CNGB3: variants seen among roughly 807,000 people sequenced by gnomAD.
CNGB3 encodes cyclic nucleotide gated channel subunit beta 3, also known as cyclic nucleotide-gated channel beta-3.
CNGB3 carries 86 observed loss-of-function variants against 92.8 expected under a neutral mutation model. That is an observed-to-expected ratio of 0.93 (90% CI 0.78 to 1.11). The LOEUF (loss-of-function observed/expected upper bound fraction) is 1.11. CNGB3 is among the 50% of genes least tolerant of loss of function. The pLI is 0.00. For missense variants in CNGB3, 1,026 were observed against 956.8 expected (o/e 1.07, Z -0.95); for synonymous variants, 333 against 332.7 (o/e 1.00, Z -0.01).
rs4024071 is a variant in CNGB3 at position 86,720,839 on chromosome 8, T to TACACACACAC, written c.338+5682_338+5691dup. ...ATATATATATATATATATATATGTA[T>TACACACACAC]ACACACACACACACACACACACACA... On this transcript the variant is annotated intron_variant, in intron 3 of 17. Transcript: ENST00000320005. Among the ~76,000 whole-genome samples, 121 of 129,912 alleles carry TACACACACAC rather than the reference T, an allele frequency of 9.3e-4. 1 individual carries two copies. The highest frequency in any genetic ancestry group is 1.9e-3 in the East Asian group (9 of 4,618). The allele number at this position is 129,912 out of a possible 152,430, so 85.2% of individuals were successfully genotyped here.
intron 2 of CNGB3, among the ~76,000 whole-genome samples, chr8:86,726,870 C>T (rs1808388114): frequency 6.6e-6 from 1 of 152,128 alleles, no homozygotes; most frequent in African/African-American, 2.4e-5. Context: ...CAGTCGTGTG[C>T]TATTTAATGA....
At chr8:86,707,214 A>G (rs1036545941) in intron 3 of CNGB3, among the ~76,000 whole-genome samples, 1 of 152,170 alleles carries the variant, frequency 6.6e-6, no homozygotes, top group Non-Finnish European at 1.5e-5. Context: ...TCTTTTAGGA[A>G]TTGGGAATAT....
intron 6 of CNGB3, chr8:86,661,438 T>C: frequency 2.0e-6 from 1 of 511,198 alleles, no homozygotes; most frequent in South Asian, 1.7e-5. Flanking sequence ...TTTTATGTTT[T>C]ATAACTCCAT....
chr8:86,678,935 A>G (rs1824027249), intron 3 of CNGB3, among the ~76,000 whole-genome samples: 1 of 152,184 alleles, frequency 6.6e-6, no homozygotes, highest in African/African-American at 2.4e-5. Flanking sequence ...AATATATTTA[A>G]TTTCAGTAAA....
intron 13 of CNGB3, among the ~76,000 whole-genome samples, chr8:86,619,047 C>T (rs1244193323): frequency 6.6e-6 from 1 of 152,182 alleles, no homozygotes; most frequent in Admixed American, 6.5e-5. Context: ...TGCATAATTA[C>T]CAGAGCAGCA....
At chr8:86,593,542 T>G (rs927176987) in intron 15 of CNGB3, among the ~76,000 whole-genome samples, 34 of 152,146 alleles carry the variant, frequency 2.2e-4, no homozygotes, top group African/African-American at 8.2e-4. Flanking sequence ...GAGCTAGGTG[T>G]TTTGTTTTGT....
intron 12 of CNGB3, among the ~76,000 whole-genome samples, chr8:86,626,467 C>T (rs989824698): frequency 1.3e-5 from 2 of 152,082 alleles, no homozygotes; most frequent in African/African-American, 4.8e-5. Context: ...CAAGGGATGG[C>T]AAATAATAAT....
chr8:86,628,651 T>C (rs1822897459), intron 12 of CNGB3, among the ~76,000 whole-genome samples: 1 of 152,114 alleles, frequency 6.6e-6, no homozygotes, highest in Non-Finnish European at 1.5e-5. Flanking sequence ...TTTTTGTATG[T>C]GTGACTATAT....
chr8:86,643,097 T>TACACAC (rs3077207), intron 10 of CNGB3, among the ~76,000 whole-genome samples: 82 of 149,114 alleles, frequency 5.5e-4, no homozygotes, highest in South Asian at 1.7e-3. Context: ...CAACTCAGGA[T>TACACAC]ACACACACAC....
intron 14 of CNGB3, among the ~76,000 whole-genome samples, chr8:86,608,104 A>T (rs2131562612): frequency 6.6e-6 from 1 of 152,366 alleles, no homozygotes; most frequent in African/African-American, 2.4e-5. Context: ...ATAAAATATA[A>T]AATAAGAATA....
chr8:86,671,034 G>C lies in CNGB3; in HGVS notation c.403C>G (p.Leu135Val), dbSNP rs767209573. 22 of 1,613,798 alleles carry C rather than the reference G, an allele frequency of 1.4e-5. No individual in the cohort carries two copies. The highest frequency in any genetic ancestry group is 3.4e-4 in the Middle Eastern group (2 of 5,970). ...GTTCTTTGACGCATTCTTTTCACCAGGTTGTGTAGCTGGGCATCGGCATAC... is the reference window on the plus strand; with the variant it reads ...GTTCTTTGACGCATTCTTTTCACCACGTTGTGTAGCTGGGCATCGGCATAC... Reference protein sequence around the residue: ...NEYADAQLHNLVKRMRQRTAL... With the variant: ...NEYADAQLHNVVKRMRQRTAL... The change falls in exon 4 of 18, where the codon CTG becomes GTG. Residue 135 changes from leucine (L) to valine (V), a missense_variant. Leu to Val is a conservative substitution (Grantham distance 32). Coordinates refer to ENST00000320005, the MANE Select transcript of CNGB3 (RefSeq NM_019098.5).
At chr8:86,589,805 T>A (rs1821986137) in intron 15 of CNGB3, among the ~76,000 whole-genome samples, 1 of 151,908 alleles carries the variant, frequency 6.6e-6, no homozygotes, top group African/African-American at 2.4e-5. Context: ...CTGAAAAAAA[T>A]GTATATTCTG....
intron 13 of CNGB3, among the ~76,000 whole-genome samples, chr8:86,615,137 C>G (rs1822592600): frequency 6.6e-6 from 1 of 152,128 alleles, no homozygotes; most frequent in East Asian, 1.9e-4. Context: ...TATGCAAATA[C>G]TATGCCACAG....
intron 3 of CNGB3, among the ~76,000 whole-genome samples, chr8:86,681,072 T>G (rs1051336476): frequency 6.6e-6 from 1 of 151,948 alleles, no homozygotes; most frequent in East Asian, 1.9e-4. Context: ...AAACACCAAA[T>G]TACCAAGCGA....
chr8:86,699,512 T>C (rs1563759373), intron 3 of CNGB3, among the ~76,000 whole-genome samples: 1 of 152,138 alleles, frequency 6.6e-6, no homozygotes, highest in Non-Finnish European at 1.5e-5. Flanking sequence ...GACTACTGAA[T>C]GTTAATATAT....
Position 86,605,416 on chromosome 8 carries a change from C to T in CNGB3, c.1663-1205G>A, listed in dbSNP as rs1000861056. 2.0e-5 allele frequency among the ~76,000 whole-genome samples: 3 copies of T among 151,992 alleles called. No individual in the cohort carries two copies. Among genetic ancestry groups the T allele is most frequent in the Admixed American group, 6.6e-5 (1 of 15,250 alleles). ...AGGCAAACTATTTGGCTAGTAGTACCTACATGTCTGAATGAGCAGTGCCTT... is the reference window on the plus strand; with the variant it reads ...AGGCAAACTATTTGGCTAGTAGTACTTACATGTCTGAATGAGCAGTGCCTT... On this transcript the variant is annotated intron_variant, in intron 14 of 17. Transcript: ENST00000320005.
intron 7 of CNGB3, among the ~76,000 whole-genome samples, chr8:86,650,049 C>T (rs1823369606): frequency 6.6e-6 from 1 of 151,014 alleles, no homozygotes; most frequent in African/African-American, 2.4e-5. Flanking sequence ...AAAAAATGCC[C>T]CCCCGCCCAA....
At chr8:86,620,662 C>T (rs1031262857) in intron 13 of CNGB3, among the ~76,000 whole-genome samples, 1 of 152,148 alleles carries the variant, frequency 6.6e-6, no homozygotes, top group Admixed American at 6.5e-5. Context: ...CCATTCCCTC[C>T]TTTGTGCACT....
chr8:86,726,538 G>C lies in CNGB3; in HGVS notation c.331C>G (p.Pro111Ala), dbSNP rs778184687. The C allele has an allele frequency of 6.2e-7, 1 of 1,613,742 alleles. No homozygotes were observed. The highest frequency in any genetic ancestry group is 8.5e-7 in the Non-Finnish European group (1 of 1,179,748). Reference protein sequence around the residue: ...QKEMDPGKEGPNSPQNKPPAA... With the variant: ...QKEMDPGKEGANSPQNKPPAA... ...GTTTTATTAAATGCTCACCTGTTTG[G>C]ACCTTCTTTCCCGGGGTCCATTTCC... is the stretch of plus-strand genomic sequence containing the variant. The change falls in exon 3 of 18, where the codon CCA (proline) becomes GCA (alanine). Residue 111 changes from proline (P) to alanine (A), a missense_variant. Coordinates refer to ENST00000320005, the MANE Select transcript of CNGB3 (RefSeq NM_019098.5).
Sources: allele counts gnomAD v4.1 joint callset (sites outside exome capture counted in the v4.1 genomes callset), GRCh38; gene constraint gnomAD v4.1.1; transcripts MANE v1.5; gene names NCBI Gene and HGNC (gene_info 2026-07-23, HGNC 2026-07-21).